The following LRATD2 variants were observed in gnomAD, a reference collection of about 807,000 sequenced individuals.
The protein encoded by LRATD2 is LRAT domain containing 2.
A neutral mutation model predicts 12.0 loss-of-function variants in LRATD2; 10 were observed. The ratio of observed to expected loss-of-function variants is 0.83; its 90% CI spans 0.51 to 1.41. The LOEUF is 1.41. Among genes scored for constraint, LRATD2 ranks in the 40% most tolerant of loss-of-function variants. The probability of loss-of-function intolerance (pLI) is 0.00; values close to 1 mark genes in which losing one functional copy is unlikely to be tolerated. For missense variants in LRATD2, 455 were observed against 446.1 expected (o/e 1.02, Z -0.18); for synonymous variants, 220 against 205.8 (o/e 1.07, Z -0.59).
Position 126,554,813 on chromosome 8 carries a change from A to G in LRATD2, c.*1644T>C, listed in dbSNP as rs1348369149. 1.3e-5 allele frequency: 2 copies of G among 151,468 alleles called. No homozygotes were observed. Among genetic ancestry groups the G allele is most frequent in the Non-Finnish European group, 2.9e-5 (2 of 68,010 alleles). The allele number at this position is 151,468 out of a possible 1,614,324, so 9.4% of individuals were successfully genotyped here. A position where few individuals can be genotyped will look rare whatever the true frequency, so the allele number is the denominator to read the frequency against. On this transcript the variant is annotated 3_prime_UTR_variant, in exon 2 of 2. Coordinates refer to ENST00000304916, the MANE Select transcript of LRATD2 (RefSeq NM_174911.5). ...AATCATATCACAAAATGACTTGTACACAGTAGTTTACAACGACTCCCAAGA... is the reference window on the plus strand; with the variant it reads ...AATCATATCACAAAATGACTTGTACGCAGTAGTTTACAACGACTCCCAAGA...
rs1298617378 is a variant in LRATD2, at chr8:126,558,427, G to C, written c.-490C>G. On this transcript the variant is annotated 5_prime_UTR_variant, in exon 1 of 2. Transcript: ENST00000304916. The stretch of plus-strand genomic sequence containing the variant: ...GCTGGAGGGACGGGATTGTAGATCC[G>C]GCTCCGGGCTCCCGGGCGGGAGCGC... The C allele has an allele frequency of 6.6e-6, 1 of 152,128 alleles. No homozygotes were observed. The highest frequency in any genetic ancestry group is 2.1e-4 in the South Asian group (1 of 4,832). 9.4% of individuals were successfully genotyped at this position (152,128 alleles called of 1,614,324 possible). A position where few individuals can be genotyped will look rare whatever the true frequency, so the allele number is the denominator to read the frequency against.
At position 126,556,068 on chromosome 8, in the gene LRATD2, C is replaced by A; in HGVS notation, c.*389G>T. 4.5e-6 allele frequency: 1 copy of A among 220,554 alleles called. No homozygotes were observed. The allele number at this position is 220,554 out of a possible 1,614,324, so 13.7% of individuals were successfully genotyped here. ...CTTTCTACCAGGATTCTTCCAAGCC[C>A]AGGATAGGAAGCAACGGCAGGAATG... On this transcript the variant is annotated 3_prime_UTR_variant, in exon 2 of 2. Transcript: ENST00000304916. This position sits in a 1 kb window ranked among gnomAD's most constrained non-coding sequence, Gnocchi z 5.6.
At position 126,556,227 on chromosome 8, in the gene LRATD2, G is replaced by A; in HGVS notation, c.*230C>T. The A allele has an allele frequency of 1.9e-6, 1 of 527,774 alleles. No individual in the cohort carries two copies. Among genetic ancestry groups the A allele is most frequent in the Non-Finnish European group, 3.2e-6 (1 of 308,988 alleles). The allele number at this position is 527,774 out of a possible 1,614,324, so 32.7% of individuals were successfully genotyped here. A position where few individuals can be genotyped will look rare whatever the true frequency, so the allele number is the denominator to read the frequency against. ...AGAGGAAGACAGACAGGGGGCCAGA[G>A]GGAGACGCCCCCCACCCCCAACTAA... is the stretch of plus-strand genomic sequence containing the variant. On this transcript the variant is annotated 3_prime_UTR_variant, in exon 2 of 2. Coordinates refer to ENST00000304916, the MANE Select transcript of LRATD2 (RefSeq NM_174911.5). The surrounding 1 kb of genome is among the most constrained non-coding windows in gnomAD (Gnocchi z 5.6).
chr8:126,556,471 C>T lies in LRATD2; in HGVS notation c.919G>A (p.Ala307Thr), dbSNP rs1232470938. ...CAGCTCGCCCATCAGTGTGCCACTG[C>T]CTCTCCGTCCTCCTCCTCGGAGCTG... ...APSSEEEDGE[A>T]VAH The change falls in exon 2 of 2, where the codon GCA becomes ACA. Residue 307 changes from alanine to threonine, a missense_variant. By Grantham distance (58) the Ala-to-Thr change is moderately conservative (BLOSUM62 0). Coordinates refer to ENST00000304916, the MANE Select transcript of LRATD2 (RefSeq NM_174911.5). This position sits in a 1 kb window ranked among gnomAD's most constrained non-coding sequence, Gnocchi z 5.6. The T allele has an allele frequency of 3.2e-6, 5 of 1,579,108 alleles. No individual in the cohort carries two copies. The highest frequency in any genetic ancestry group is 3.8e-5 in the Admixed American group (2 of 52,090).
At position 126,557,423 on chromosome 8, in the gene LRATD2, G is replaced by C. The variant is rs772881897; in HGVS notation, c.-34C>G. The C allele has an allele frequency of 6.2e-7, 1 of 1,603,090 alleles. No individual in the cohort carries two copies. The highest frequency in any genetic ancestry group is 8.5e-7 in the Non-Finnish European group (1 of 1,176,538). On this transcript the variant is annotated 5_prime_UTR_variant, in exon 2 of 2. Transcript: ENST00000304916. This position sits in a 1 kb window ranked among gnomAD's most constrained non-coding sequence, Gnocchi z 5.3. ...GGACACACGTTCACACCGCCGCAAG[G>C]GGAGAAAGCGAAACCAACTCCAGGG...
Position 126,556,089 on chromosome 8 carries a change from G to T in LRATD2, c.*368C>A. 1 of 259,138 alleles carries T rather than the reference G, an allele frequency of 3.9e-6. No homozygotes were observed. Among genetic ancestry groups the T allele is most frequent in the Non-Finnish European group, 7.3e-6 (1 of 137,586 alleles). 16.1% of individuals were successfully genotyped at this position (259,138 alleles called of 1,614,324 possible). ...AGCCCAGGATAGGAAGCAACGGCAG[G>T]AATGGGTACTCCGAACTTTCCCCCA... On this transcript the variant is annotated 3_prime_UTR_variant, in exon 2 of 2. Transcript: ENST00000304916. This position sits in a 1 kb window ranked among gnomAD's most constrained non-coding sequence, Gnocchi z 5.6.
Position 126,555,524 on chromosome 8 carries a change from G to C in LRATD2, c.*933C>G, listed in dbSNP as rs1235248960. 11 of 152,622 alleles carry C rather than the reference G, an allele frequency of 7.2e-5. No homozygotes were observed. Among genetic ancestry groups the C allele is most frequent in the Admixed American group, 7.2e-4 (11 of 15,274 alleles). The allele number at this position is 152,622 out of a possible 1,614,324, so 9.5% of individuals were successfully genotyped here. A position where few individuals can be genotyped will look rare whatever the true frequency, so the allele number is the denominator to read the frequency against. The stretch of plus-strand genomic sequence containing the variant: ...GCACAGCCAACCCTATCTGTGACCT[G>C]CCCTGCGGATAAACACAGCCAAGCA... On this transcript the variant is annotated 3_prime_UTR_variant, in exon 2 of 2. Coordinates refer to ENST00000304916, the MANE Select transcript of LRATD2 (RefSeq NM_174911.5).
In LRATD2 at chr8:126,557,679, T is replaced by C; in HGVS notation, c.-96-194A>G. 2.2e-6 allele frequency: 1 copy of C among 457,870 alleles called. No homozygotes were observed. 28.4% of individuals were successfully genotyped at this position (457,870 alleles called of 1,614,324 possible). ...GAGACTGGGCAACTCCTGTTCTCCC[T>C]GTCCCCAGCCCTTCGCCTGGCCCTG... On this transcript the variant is annotated intron_variant, in intron 1 of 1. Transcript: ENST00000304916. The surrounding 1 kb of genome is among the most constrained non-coding windows in gnomAD (Gnocchi z 5.3).
rs746044934 is a variant in LRATD2, at chr8:126,557,081, C to G, written c.309G>C (p.Ala103=). ...YQKSFAPGSA[A]LSTYTPENLL... ...GGTTCTCGGGCGTGTAGGTACTCAG[C>G]GCCGCCGAGCCCGGCGCGAAGCTCT... Residue 103 remains alanine (A), a synonymous_variant, in exon 2 of 2, where the codon GCG becomes GCC. Transcript: ENST00000304916. This position sits in a 1 kb window ranked among gnomAD's most constrained non-coding sequence, Gnocchi z 5.3. The G allele has an allele frequency of 1.2e-6, 2 of 1,610,364 alleles. No homozygotes were observed. The highest frequency in any genetic ancestry group is 3.3e-4 in the Middle Eastern group (2 of 6,060).
Position 126,557,123 on chromosome 8 carries a change from G to A in LRATD2, c.267C>T (p.Asp89=), listed in dbSNP as rs764922205. The change falls in exon 2 of 2, where the codon GAC becomes GAT. Residue 89 remains aspartate (D), a synonymous_variant. Transcript: ENST00000304916. The surrounding 1 kb of genome is among the most constrained non-coding windows in gnomAD (Gnocchi z 5.3). The part of the protein sequence containing the change: ...HEVECSVFYR[D]ECIYQKSFAP... ...CGAAGCTCTTCTGGTAGATGCATTC[G>A]TCCCGGTAGAACACGGAGCATTCCA... The A allele has an allele frequency of 5.6e-6, 9 of 1,612,474 alleles. No individual in the cohort carries two copies. Among genetic ancestry groups the A allele is most frequent in the African/African-American group, 2.7e-5 (2 of 74,938 alleles).
chr8:126,553,391 G>A lies in LRATD2; in HGVS notation c.*3066C>T, dbSNP rs1817320645. On this transcript the variant is annotated 3_prime_UTR_variant, in exon 2 of 2. Transcript: ENST00000304916. ...CTGCTTTCATTTAGCATACGTTCCA[G>A]TCGATGTCCTGCTTATCCCTGCCAG... is the stretch of plus-strand genomic sequence containing the variant. The A allele has an allele frequency of 6.6e-6, 1 of 152,646 alleles. No individual in the cohort carries two copies. The highest frequency in any genetic ancestry group is 2.4e-5 in the African/African-American group (1 of 41,468). The allele number at this position is 152,646 out of a possible 1,614,324, so 9.5% of individuals were successfully genotyped here.
rs1036468635 is a variant in LRATD2, at chr8:126,552,944, G to A, written c.*3513C>T. ...TGGTTAGACAAGCACATGATATCAA[G>A]AGTCTTCAACACAGTGGATTCCATT... is the stretch of plus-strand genomic sequence containing the variant. On this transcript the variant is annotated 3_prime_UTR_variant, in exon 2 of 2. Transcript: ENST00000304916. 6.6e-5 allele frequency: 10 copies of A among 152,484 alleles called. No homozygotes were observed. Among genetic ancestry groups the A allele is most frequent in the African/African-American group, 2.4e-4 (10 of 41,384 alleles). 9.4% of individuals were successfully genotyped at this position (152,484 alleles called of 1,614,324 possible).
rs1360782190 is a variant in LRATD2 at position 126,556,087 on chromosome 8, A to G, written c.*370T>C. 2 of 250,140 alleles carry G rather than the reference A, an allele frequency of 8.0e-6. No homozygotes were observed. Among genetic ancestry groups the G allele is most frequent in the Non-Finnish European group, 1.5e-5 (2 of 132,070 alleles). 15.5% of individuals were successfully genotyped at this position (250,140 alleles called of 1,614,324 possible). Reference sequence around the variant, plus strand: ...CAAGCCCAGGATAGGAAGCAACGGCAGGAATGGGTACTCCGAACTTTCCCC... The same window carrying G: ...CAAGCCCAGGATAGGAAGCAACGGCGGGAATGGGTACTCCGAACTTTCCCC... On this transcript the variant is annotated 3_prime_UTR_variant, in exon 2 of 2. Coordinates refer to ENST00000304916, the MANE Select transcript of LRATD2 (RefSeq NM_174911.5). This position sits in a 1 kb window ranked among gnomAD's most constrained non-coding sequence, Gnocchi z 5.6.
chr8:126,557,115 A>G lies in LRATD2; in HGVS notation c.275T>C (p.Ile92Thr), dbSNP rs1817426068. The G allele has an allele frequency of 6.2e-7, 1 of 1,612,556 alleles. No homozygotes were observed. The highest frequency in any genetic ancestry group is 8.5e-7 in the Non-Finnish European group (1 of 1,179,964). ...ECSVFYRDEC[I>T]YQKSFAPGSA... ...GCCCGGCGCGAAGCTCTTCTGGTAG[A>G]TGCATTCGTCCCGGTAGAACACGGA... is the stretch of plus-strand genomic sequence containing the variant. Residue 92 changes from isoleucine to threonine, a missense_variant, in exon 2 of 2, where the codon ATC becomes ACC. Physicochemically the swap from Ile to Thr is moderately conservative, Grantham distance 89. Coordinates refer to ENST00000304916, the MANE Select transcript of LRATD2 (RefSeq NM_174911.5). This position sits in a 1 kb window ranked among gnomAD's most constrained non-coding sequence, Gnocchi z 5.3.
Position 126,557,195 on chromosome 8 carries a change from C to A in LRATD2, c.195G>T (p.Gly65=). 6.2e-7 allele frequency: 1 copy of A among 1,601,004 alleles called. No individual in the cohort carries two copies. Among genetic ancestry groups the A allele is most frequent in the Non-Finnish European group, 8.5e-7 (1 of 1,174,656 alleles). The change falls in exon 2 of 2, where the codon GGG becomes GGT. Residue 65 remains glycine, a synonymous_variant. Transcript: ENST00000304916. The surrounding 1 kb of genome is among the most constrained non-coding windows in gnomAD (Gnocchi z 5.3). ...AGGGCTGCGGCTGGGGCGGCGGCGGCCCGTCCCCACCGTCGGGCAAGCCGC... is the reference window on the plus strand; with the variant it reads ...AGGGCTGCGGCTGGGGCGGCGGCGGACCGTCCCCACCGTCGGGCAAGCCGC... ...DGGGLPDGGD[G]PPPPQPQPYD... is the part of the protein sequence containing the mutation.
At position 126,556,730 on chromosome 8, in the gene LRATD2, C is replaced by T; in HGVS notation, c.660G>A (p.Glu220=). 2.5e-6 allele frequency: 4 copies of T among 1,604,092 alleles called. No homozygotes were observed. The highest frequency in any genetic ancestry group is 3.4e-6 in the Non-Finnish European group (4 of 1,176,056). The change falls in exon 2 of 2, where the codon GAG becomes GAA. Residue 220 remains glutamate (E), a synonymous_variant. Transcript: ENST00000304916. This position sits in a 1 kb window ranked among gnomAD's most constrained non-coding sequence, Gnocchi z 5.6. ...YGKREFKIGG[E]LRIGKQPYRL... is the part of the protein sequence containing the mutation. ...GGTAGGGCTGCTTGCCGATGCGCAG[C>T]TCGCCGCCGATCTTGAACTCGCGCT...
chr8:126,557,545 G>A lies in LRATD2; in HGVS notation c.-96-60C>T. On this transcript the variant is annotated intron_variant, in intron 1 of 1. Transcript: ENST00000304916. This position sits in a 1 kb window ranked among gnomAD's most constrained non-coding sequence, Gnocchi z 5.3. ...AGCCCCTCCGTGAAAAGGGCGTTTT[G>A]TTCCGAAAAAGAATCGGTGGGGGCT... 3 of 811,008 alleles carry A rather than the reference G, an allele frequency of 3.7e-6. No individual in the cohort carries two copies. Among genetic ancestry groups the A allele is most frequent in the Non-Finnish European group, 5.8e-6 (3 of 519,600 alleles). 50.2% of individuals were successfully genotyped at this position (811,008 alleles called of 1,614,324 possible). A position where few individuals can be genotyped will look rare whatever the true frequency, so the allele number is the denominator to read the frequency against.
chr8:126,557,471 AGGGGCTGAGGCTACCTGTT>A lies in LRATD2; in HGVS notation c.-96-5_-83del. The A allele has an allele frequency of 6.9e-7, 1 of 1,443,818 alleles. No homozygotes were observed. Among genetic ancestry groups the A allele is most frequent in the Non-Finnish European group, 9.4e-7 (1 of 1,061,016 alleles). 89.4% of individuals were successfully genotyped at this position (1,443,818 alleles called of 1,614,324 possible). A position where few individuals can be genotyped will look rare whatever the true frequency, so the allele number is the denominator to read the frequency against. On this transcript the variant is annotated splice_acceptor_variant and splice_polypyrimidine_tract_variant and 5_prime_UTR_variant and intron_variant, in exon 2 of 2. Transcript: ENST00000304916. LOFTEE classifies it low-confidence loss of function (5UTR_SPLICE). The surrounding 1 kb of genome is among the most constrained non-coding windows in gnomAD (Gnocchi z 5.3). ...GGGTCATTTGCACAGGTCCCCGGAC[AGGGGCTGAGGCTACCTGTT>A]GGGAGAGGAAGGCAAGAAAGCCATG...
chr8:126,556,181 CCA>C lies in LRATD2; in HGVS notation c.*274_*275del, dbSNP rs1817386412. The stretch of plus-strand genomic sequence containing the variant: ...ACCAAGGTTTAAGTGCCAGGCAAGT[CCA>C]CAGTTTGCTCCACCGCGGAGAGGAA... On this transcript the variant is annotated 3_prime_UTR_variant, in exon 2 of 2. Coordinates refer to ENST00000304916, the MANE Select transcript of LRATD2 (RefSeq NM_174911.5). This position sits in a 1 kb window ranked among gnomAD's most constrained non-coding sequence, Gnocchi z 5.6. 2.1e-6 allele frequency: 1 copy of C among 472,704 alleles called. No homozygotes were observed. The highest frequency in any genetic ancestry group is 4.2e-5 in the Admixed American group (1 of 23,978). The allele number at this position is 472,704 out of a possible 1,614,324, so 29.3% of individuals were successfully genotyped here. A position where few individuals can be genotyped will look rare whatever the true frequency, so the allele number is the denominator to read the frequency against.
Sources: gnomAD v4.1 joint callset for allele counts on GRCh38, gnomAD v4.1.1 for gene constraint, Gnocchi (gnomAD v3.1) non-coding constraint, MANE v1.5 for transcripts, NCBI Gene and HGNC (gene_info 2026-07-23, HGNC 2026-07-21) for gene names.